The following U2SURP variants were observed in gnomAD, a reference collection of about 807,000 sequenced individuals.
U2SURP encodes U2 snRNP-associated SURP motif-containing protein.
A neutral mutation model predicts 144.9 loss-of-function variants in U2SURP; 9 were observed. The ratio of observed to expected loss-of-function variants is 0.06; its 90% CI spans 0.04 to 0.11. The LOEUF (loss-of-function observed/expected upper bound fraction) is 0.11, where lower values mean the gene tolerates loss of function less well. U2SURP is among the 10% of genes least tolerant of loss of function. The pLI is 1.00. For synonymous variants in U2SURP, 408 were observed against 396.8 expected (o/e 1.03, Z -0.33); for missense variants, 724 against 1,226.7 (o/e 0.59, Z 6.12).
At chr3:143,005,323 T>C (rs1013359149) in intron 1 of U2SURP, among the ~76,000 whole-genome samples, 18 of 152,212 alleles carry the variant, frequency 1.2e-4, no homozygotes, top group African/African-American at 3.9e-4. Flanking sequence ...ACTGAGGACC[T>C]GTTCAAGGCT....
At chr3:143,009,083 C>T (rs2108269551) in intron 1 of U2SURP, among the ~76,000 whole-genome samples, 2 of 152,300 alleles carry the variant, frequency 1.3e-5, no homozygotes, top group African/African-American at 4.8e-5. Flanking sequence ...CTTGCCTGAA[C>T]TTGTTTTTCT....
intron 5 of U2SURP, 97 bp from the exon 6 acceptor site, chr3:143,016,745 A>G: frequency 9.1e-7 from 1 of 1,095,018 alleles, no homozygotes; most frequent in Non-Finnish European, 1.3e-6. Flanking sequence ...ACATCTTAAT[A>G]CTAAAAGCAT....
rs558772771 is a variant in U2SURP, at chr3:143,058,375, G to T, written c.*1925G>T. On this transcript the variant is annotated 3_prime_UTR_variant, in exon 28 of 28. Transcript: ENST00000473835. ...GTAGAAAATTTTAGGTCAGTTTTGG[G>T]TGCTTATTTGTAATATTTTTCCTAC... The T allele has an allele frequency of 5.3e-5, 8 of 151,740 alleles. No homozygotes were observed. The highest frequency in any genetic ancestry group is 1.0e-4 in the Non-Finnish European group (7 of 67,764). The allele number at this position is 151,740 out of a possible 1,614,324, so 9.4% of individuals were successfully genotyped here. A position where few individuals can be genotyped will look rare whatever the true frequency, so the allele number is the denominator to read the frequency against.
At chr3:143,013,609 AACTG>A (rs1248463381) in intron 3 of U2SURP, among the ~76,000 whole-genome samples, 11 of 150,106 alleles carry the variant, frequency 7.3e-5, no homozygotes, top group East Asian at 1.9e-4. Context: ...TCAAATGAGT[AACTG>A]ACTGAACAAA....
rs1235385952 is a variant in U2SURP, at chr3:143,057,678, A to G, written c.*1228A>G. 2.0e-5 allele frequency: 3 copies of G among 151,816 alleles called. No individual in the cohort carries two copies. The highest frequency in any genetic ancestry group is 7.2e-5 in the African/African-American group (3 of 41,412). The allele number at this position is 151,816 out of a possible 1,614,324, so 9.4% of individuals were successfully genotyped here. On this transcript the variant is annotated 3_prime_UTR_variant, in exon 28 of 28. Transcript: ENST00000473835. ...ACTATTATTTGTGAATCTTGATTTCAGTTTTTTATGTAGGCACTTCATACA... is the reference window on the plus strand; with the variant it reads ...ACTATTATTTGTGAATCTTGATTTCGGTTTTTTATGTAGGCACTTCATACA...
At chr3:143,021,754 G>C (rs1301046932) in intron 10 of U2SURP, among the ~76,000 whole-genome samples, 199 bp downstream of exon 10, 1 of 152,116 alleles carries the variant, frequency 6.6e-6, no homozygotes, top group African/African-American at 2.4e-5. Flanking sequence ...TTGAACTCTG[G>C]ATTTGAAATG....
In U2SURP at chr3:143,001,641, A is replaced by G; in HGVS notation, c.13A>G (p.Thr5Ala). 6.2e-7 allele frequency: 1 copy of G among 1,613,928 alleles called. No homozygotes were observed. The highest frequency in any genetic ancestry group is 8.5e-7 in the Non-Finnish European group (1 of 1,179,866). The change falls in exon 1 of 28, where the codon ACG becomes GCG. Residue 5 changes from threonine to alanine, a missense_variant. Physicochemically the swap from Thr to Ala is moderately conservative, Grantham distance 58. This residue lies in a region of U2SURP where 127 missense variants were observed against 98.2 expected (regional missense o/e 1.29). Transcript: ENST00000473835. Reference protein sequence around the residue: MADKTPGGSQKASSK... With the variant: MADKAPGGSQKASSK... The stretch of plus-strand genomic sequence containing the variant: ...GGCAAAGCTCAAGATGGCGGACAAA[A>G]CGCCAGGCGGATCTCAGAAGGCCAG...
intron 1 of U2SURP, among the ~76,000 whole-genome samples, chr3:143,010,427 T>G (rs1255861790): frequency 6.6e-6 from 1 of 152,074 alleles, no homozygotes; most frequent in Non-Finnish European, 1.5e-5. Context: ...AGAAAGAGAG[T>G]TCTCGTGCTG....
intron 4 of U2SURP, among the ~76,000 whole-genome samples, chr3:143,015,572 G>T (rs1261947901): frequency 6.6e-6 from 1 of 151,778 alleles, no homozygotes; most frequent in African/African-American, 2.4e-5. Flanking sequence ...ATTAATTTTT[G>T]TCTTTTTTCA....
At chr3:143,010,981 C>T (rs1936093575) in intron 2 of U2SURP, 122 bp downstream of exon 2, 1 of 699,270 alleles carries the variant, frequency 1.4e-6, no homozygotes, top group South Asian at 2.9e-5. Context: ...TTTTCTTTTA[C>T]TCTTTTTTTT....
In U2SURP at chr3:143,034,995, A is replaced by G. The variant is rs376569848; in HGVS notation, c.1941+20A>G. On this transcript the variant is annotated intron_variant, in intron 19 of 27. Coordinates refer to ENST00000473835, the MANE Select transcript of U2SURP (RefSeq NM_001080415.2). ...TTTAAGGTACGTTTATTGTTTTACT[A>G]TTTTTGCCCTAGTGTTTTAAATGGG... The G allele has an allele frequency of 7.7e-5, 56 of 724,888 alleles. No homozygotes were observed. The highest frequency in any genetic ancestry group is 5.7e-4 in the East Asian group (8 of 14,000). The allele number at this position is 724,888 out of a possible 1,614,324, so 44.9% of individuals were successfully genotyped here.
chr3:143,040,987 G>T (rs1391721975), intron 23 of U2SURP, among the ~76,000 whole-genome samples: 1 of 151,616 alleles, frequency 6.6e-6, no homozygotes, highest in Non-Finnish European at 1.5e-5. Flanking sequence ...CTGTTTACCT[G>T]TTCTGTATTC....
rs1338032251 is a variant in U2SURP, at chr3:143,056,732, G to C, written c.*282G>C. 3.9e-6 allele frequency: 1 copy of C among 254,628 alleles called. No homozygotes were observed. The highest frequency in any genetic ancestry group is 2.2e-5 in the African/African-American group (1 of 45,356). The allele number at this position is 254,628 out of a possible 1,614,324, so 15.8% of individuals were successfully genotyped here. On this transcript the variant is annotated 3_prime_UTR_variant, in exon 28 of 28. Transcript: ENST00000473835. ...TATAATGGATCTGCTGACAGTAGTA[G>C]TATTTTGTTTTAGGATGTTGTGACT...
chr3:143,049,499 C>G (rs1934733938), intron 24 of U2SURP, among the ~76,000 whole-genome samples: 1 of 152,116 alleles, frequency 6.6e-6, no homozygotes, highest in African/African-American at 2.4e-5. Context: ...AATGCTTCCT[C>G]TTTCTCTTTG....
chr3:143,051,611 A>T (rs902520054), intron 25 of U2SURP, among the ~76,000 whole-genome samples: 2 of 151,084 alleles, frequency 1.3e-5, no homozygotes, highest in African/African-American at 4.8e-5. Context: ...GCAAAAAAAA[A>T]AAAAAAAAAA....
rs1302812913 is a variant in U2SURP at position 143,060,414 on chromosome 3, T to C, written c.*3964T>C. 6.6e-6 allele frequency: 1 copy of C among 152,026 alleles called. No individual in the cohort carries two copies. Among genetic ancestry groups the C allele is most frequent in the South Asian group, 2.1e-4 (1 of 4,832 alleles). The allele number at this position is 152,026 out of a possible 1,614,324, so 9.4% of individuals were successfully genotyped here. A position where few individuals can be genotyped will look rare whatever the true frequency, so the allele number is the denominator to read the frequency against. On this transcript the variant is annotated 3_prime_UTR_variant, in exon 28 of 28. Transcript: ENST00000473835. Reference sequence around the variant, plus strand: ...GTAAGGATTAGATTTATTGTTGAGCTGCTTTCCAGATCAGACTGTCACTTT... The same window carrying C: ...GTAAGGATTAGATTTATTGTTGAGCCGCTTTCCAGATCAGACTGTCACTTT...
intron 24 of U2SURP, among the ~76,000 whole-genome samples, chr3:143,049,150 C>T (rs911314186): frequency 6.7e-6 from 1 of 149,064 alleles, no homozygotes; most frequent in African/African-American, 2.5e-5. Flanking sequence ...CCTGTAATCC[C>T]AGCTACTTGG....
Position 143,028,524 on chromosome 3 carries a change from G to A in U2SURP, c.1488G>A (p.Met496Ile). The A allele has an allele frequency of 6.3e-7, 1 of 1,593,336 alleles. No individual in the cohort carries two copies. The highest frequency in any genetic ancestry group is 8.5e-7 in the Non-Finnish European group (1 of 1,174,548). The change falls in exon 16 of 28, where the codon ATG becomes ATA. Residue 496 changes from methionine to isoleucine, a missense_variant. Around this residue, in one of 13 missense-constraint regions of U2SURP, gnomAD observed 66 missense variants for 95.0 expected, o/e 0.69. Coordinates refer to ENST00000473835, the MANE Select transcript of U2SURP (RefSeq NM_001080415.2). ...AATGGCGGACGGAAGATTTTCGTAT[G>A]TTCAAAAATGGATCTTTTTGGAGGC... ...PTKWRTEDFRMFKNGSFWRPP... is the reference protein window; with the variant it reads ...PTKWRTEDFRIFKNGSFWRPP...
intron 20 of U2SURP, 90 bp downstream of exon 20, chr3:143,036,194 A>T (rs754266315): frequency 3.7e-6 from 5 of 1,336,608 alleles, no homozygotes; most frequent in African/African-American, 1.5e-5. Context: ...TATGTGAGGT[A>T]CATTTCTTTG....
Sources: allele counts gnomAD v4.1 joint callset (sites outside exome capture counted in the v4.1 genomes callset), GRCh38; gene constraint gnomAD v4.1.1; regional missense constraint gnomAD v4.1.1; transcripts MANE v1.5; gene names NCBI Gene and HGNC (gene_info 2026-07-23, HGNC 2026-07-21).